Variants in CCZ1 observed in about 807,000 individuals in gnomAD.
CCZ1 encodes the protein CCZ1 vacuolar protein trafficking and biogenesis associated.
A neutral mutation model predicts 57.8 loss-of-function variants in CCZ1; 19 were observed. That is an observed-to-expected ratio of 0.33 (90% CI 0.23 to 0.48). The LOEUF (loss-of-function observed/expected upper bound fraction) is 0.48, where lower values mean the gene tolerates loss of function less well. Among genes scored for constraint, CCZ1 ranks in the 20% least tolerant of loss-of-function variants. The pLI is 0.99. For missense variants in CCZ1, 200 were observed against 492.0 expected, an observed-to-expected ratio of 0.41 and a Z score of 5.61; for synonymous variants, 81 against 167.0, an observed-to-expected ratio of 0.49 and a Z score of 3.97.
chr7:5,908,723 TC>T lies in CCZ1; in HGVS notation c.699-1310del, dbSNP rs564262543. ...TGATCTTGAATAGAAAACGCCCAGA[TC>T]CAGCCTCATTGTCTGTCTCCTTTTA... On this transcript the variant is annotated intron_variant, in intron 7 of 14. Coordinates refer to ENST00000325974, the MANE Select transcript of CCZ1 (RefSeq NM_015622.6). Among the ~76,000 whole-genome samples, 139 of 144,484 alleles carry T rather than the reference TC, an allele frequency of 9.6e-4. 3 individuals carry two copies. The highest frequency in any genetic ancestry group is 3.3e-3 in the African/African-American group (128 of 38,790). The allele number at this position is 144,484 out of a possible 152,430, so 94.8% of individuals were successfully genotyped here. A position where few individuals can be genotyped will look rare whatever the true frequency, so the allele number is the denominator to read the frequency against.
Position 5,904,138 on chromosome 7 carries a change from G to T in CCZ1, c.523-956G>T, listed in dbSNP as rs1781749908. Among the ~76,000 whole-genome samples, 4 of 114,586 alleles carry T rather than the reference G, an allele frequency of 3.5e-5. No individual in the cohort carries two copies. In the South Asian group the frequency reaches 1.1e-3, roughly 32 times the overall value. The allele number at this position is 114,586 out of a possible 152,430, so 75.2% of individuals were successfully genotyped here. A position where few individuals can be genotyped will look rare whatever the true frequency, so the allele number is the denominator to read the frequency against. On this transcript the variant is annotated intron_variant, in intron 6 of 14. Transcript: ENST00000325974. ...ACAGAATCTTACTCTTGTCACCCAG[G>T]CTAGAGTGCAATGGTGTGATCTTGG...
intron 5 of CCZ1, chr7:5,902,079 AG>A (rs1781696413): frequency 4.5e-6 from 1 of 222,046 alleles, no homozygotes; most frequent in South Asian, 8.2e-5. Context: ...GGATTGCTTG[AG>A]CCCAGGAGTT....
chr7:5,905,934 G>A (rs1381145630), intron 7 of CCZ1, among the ~76,000 whole-genome samples: 1 of 132,244 alleles, frequency 7.6e-6, no homozygotes, highest in Non-Finnish European at 1.6e-5. Flanking sequence ...TATAGAGACG[G>A]GGTTTACTGT....
intron 7 of CCZ1, among the ~76,000 whole-genome samples, chr7:5,909,568 G>A (rs1201805274): frequency 2.0e-5 from 3 of 146,350 alleles, no homozygotes; most frequent in Non-Finnish European, 4.5e-5. Context: ...TGATGGTGGC[G>A]CATGCCTGTA....
chr7:5,901,433 C>G, intron 4 of CCZ1: 1 of 659,924 alleles, frequency 1.5e-6, no homozygotes, highest in Admixed American at 4.0e-5. Context: ...TGCAGTGAGC[C>G]AAGATTGTAC....
At chr7:5,920,959 T>TTTC (rs1562546349) in intron 12 of CCZ1, among the ~76,000 whole-genome samples, 1 of 114,782 alleles carries the variant, frequency 8.7e-6, no homozygotes, top group African/African-American at 3.5e-5. Flanking sequence ...GGGTTTTTTT[T>TTTC]TTTTTTTTTT....
rs746657675 is a variant in CCZ1 at position 5,904,088 on chromosome 7, A to ATTTTTT, written c.523-990_523-985dup. Among the ~76,000 whole-genome samples, 88 of 84,480 alleles carry ATTTTTT rather than the reference A, an allele frequency of 1.0e-3. 5 individuals carry two copies. The highest frequency in any genetic ancestry group is 4.1e-3 in the East Asian group (7 of 1,726). 55.4% of individuals were successfully genotyped at this position (84,480 alleles called of 152,430 possible). Reference sequence around the variant, plus strand: ...TGAAGAGCATTAAGGCAGGGAGTTAATTTTTTTTTTTTTTTTTTTTTGAGA... The same window carrying ATTTTTT: ...TGAAGAGCATTAAGGCAGGGAGTTAATTTTTTTTTTTTTTTTTTTTTTTTTTTGAGA... On this transcript the variant is annotated intron_variant, in intron 6 of 14. Transcript: ENST00000325974.
intron 1 of CCZ1, among the ~76,000 whole-genome samples, chr7:5,899,298 C>G (rs1781621389): frequency 7.5e-6 from 1 of 133,540 alleles, no homozygotes; most frequent in African/African-American, 2.8e-5. Context: ...TAATAGTTTT[C>G]GCCCAAATGA....
chr7:5,903,910 G>T (rs1429784924), intron 6 of CCZ1, among the ~76,000 whole-genome samples: 17 of 142,860 alleles, frequency 1.2e-4, no homozygotes, highest in African/African-American at 4.3e-4. Context: ...CAGGAGAATC[G>T]CTTGAACCCC....
intron 6 of CCZ1, among the ~76,000 whole-genome samples, chr7:5,904,088 A>ATTTTT (rs746657675): frequency 0.012 from 1,050 of 84,434 alleles, 68 homozygotes; most frequent in East Asian, 0.03. Context: ...CAGGGAGTTA[A>ATTTTT]TTTTTTTTTT....
At chr7:5,903,943 G>A (rs1320195207) in intron 6 of CCZ1, among the ~76,000 whole-genome samples, 1 of 141,424 alleles carries the variant, frequency 7.1e-6, no homozygotes, top group Non-Finnish European at 1.5e-5. Flanking sequence ...GCAGTGAGCC[G>A]AGATCACACC....
At chr7:5,912,068 C>A in intron 9 of CCZ1, 146 bp downstream of exon 9, 1 of 1,539,282 alleles carries the variant, frequency 6.5e-7, no homozygotes. Flanking sequence ...GACTGTCATG[C>A]CTCAGCCTCC....
chr7:5,905,706 C>T lies in CCZ1; in HGVS notation c.698+437C>T, dbSNP rs1210878968. On this transcript the variant is annotated intron_variant, in intron 7 of 14. Transcript: ENST00000325974. ...CTGAGGCAGGAGAATCACTTGAACC[C>T]GGGAGGCGGAGGTTGCAGTGAGCCG... Among the ~76,000 whole-genome samples, 23 of 116,486 alleles carry T rather than the reference C, an allele frequency of 2.0e-4. 1 individual carries two copies. The East Asian group carries it at 3.1e-3, about 16-fold the overall frequency. The allele number at this position is 116,486 out of a possible 152,430, so 76.4% of individuals were successfully genotyped here. A position where few individuals can be genotyped will look rare whatever the true frequency, so the allele number is the denominator to read the frequency against.
At chr7:5,905,451 G>C (rs1289454044) in intron 7 of CCZ1, among the ~76,000 whole-genome samples, 182 bp downstream of exon 7, 1 of 144,454 alleles carries the variant, frequency 6.9e-6, no homozygotes, top group Non-Finnish European at 1.5e-5. Flanking sequence ...GGTGATTTGG[G>C]TTCAAATTTC....
rs1779046133 is a variant in CCZ1, at chr7:5,911,823, G to A, written c.781-38G>A. The A allele has an allele frequency of 2.1e-6, 3 of 1,412,982 alleles. No homozygotes were observed. The African/African-American group carries it at 4.4e-5, about 21-fold the overall frequency. 87.5% of individuals were successfully genotyped at this position (1,412,982 alleles called of 1,614,324 possible). On this transcript the variant is annotated intron_variant, in intron 8 of 14. Coordinates refer to ENST00000325974, the MANE Select transcript of CCZ1 (RefSeq NM_015622.6). ...TCAAAGCTTGGAAAATAAATAAAAA[G>A]TCTGATAAGTCATTCTCAACATTAA...
intron 12 of CCZ1, among the ~76,000 whole-genome samples, chr7:5,923,019 T>G (rs1779274950): frequency 6.9e-6 from 1 of 144,186 alleles, no homozygotes; most frequent in South Asian, 2.1e-4. Flanking sequence ...GAAACTTTGT[T>G]TAGAAAAAGA....
rs1164465659 is a variant in CCZ1, at chr7:5,904,767, C to T, written c.523-327C>T. Reference sequence around the variant, plus strand: ...AATGGTGTGAACCTGGAAGGCGGAGCTTGCAGTGAGCTGAGATCGCACCAC... The same window carrying T: ...AATGGTGTGAACCTGGAAGGCGGAGTTTGCAGTGAGCTGAGATCGCACCAC... On this transcript the variant is annotated intron_variant, in intron 6 of 14. Transcript: ENST00000325974. Among the ~76,000 whole-genome samples, 22 of 147,730 alleles carry T rather than the reference C, an allele frequency of 1.5e-4. 1 individual carries two copies. The highest frequency in any genetic ancestry group is 3.0e-4 in the Non-Finnish European group (20 of 67,710).
chr7:5,910,692 A>G (rs1449850464), intron 8 of CCZ1, among the ~76,000 whole-genome samples: 1 of 49,522 alleles, frequency 2.0e-5, no homozygotes, highest in Non-Finnish European at 4.0e-5. Flanking sequence ...TTTACTTTTA[A>G]TTTATGTATT....
chr7:5,900,197 CA>C, intron 1 of CCZ1, 86 bp from the exon 2 acceptor site: 1 of 1,403,778 alleles, frequency 7.1e-7, no homozygotes. Context: ...ATGTGTGACA[CA>C]AGAGGTCGAC....
Sources: allele counts gnomAD v4.1 joint callset (sites outside exome capture counted in the v4.1 genomes callset), GRCh38; gene constraint gnomAD v4.1.1; transcripts MANE v1.5; gene names NCBI Gene and HGNC (gene_info 2026-07-23, HGNC 2026-07-21).